The following ADA2 variants were observed in gnomAD, a reference collection of about 807,000 sequenced individuals.
ADA2 encodes adenosine deaminase CECR1.
Under a neutral mutation model 44.2 loss-of-function variants are expected in ADA2, and 29 were observed. That is an observed-to-expected ratio of 0.66 (90% CI 0.49 to 0.89). ADA2 has a LOEUF of 0.89. ADA2 is among the 40% of genes least tolerant of loss of function. The pLI is 0.00. For missense variants in ADA2, 637 were observed against 644.8 expected, an observed-to-expected ratio of 0.99 and a Z score of 0.13; for synonymous variants, 215 against 234.9, an observed-to-expected ratio of 0.92 and a Z score of 0.77.
chr22:17,203,665 G>A lies in ADA2; in HGVS notation c.651C>T (p.Leu217=), dbSNP rs1164835231. 1.9e-6 allele frequency: 3 copies of A among 1,614,036 alleles called. No individual in the cohort carries two copies. Among genetic ancestry groups the A allele is most frequent in the South Asian group, 2.2e-5 (2 of 91,070 alleles). The change falls in exon 4 of 10, where the codon CTC becomes CTT. Residue 217 remains leucine (L), a synonymous_variant. Transcript: ENST00000399837. ...FETIFFTISG[L]IHYAPVFRDY... is the part of the protein sequence containing the mutation. ...CTCTGAACACTGGTGCGTAATGGATGAGACCAGAGATGGTGAAGAAGATGG... is the reference window on the plus strand; with the variant it reads ...CTCTGAACACTGGTGCGTAATGGATAAGACCAGAGATGGTGAAGAAGATGG...
At chr22:17,189,443 T>C (rs553913373) in intron 6 of ADA2, among the ~76,000 whole-genome samples, 1 of 152,276 alleles carries the variant, frequency 6.6e-6, no homozygotes, top group Non-Finnish European at 1.5e-5. Flanking sequence ...CCAGGCATGA[T>C]GGCTGGAGAG....
At position 17,203,765 on chromosome 22, in the gene ADA2, C is replaced by T. The variant is rs778092152; in HGVS notation, c.551G>A (p.Arg184Lys). The T allele has an allele frequency of 1.9e-6, 3 of 1,613,132 alleles. No homozygotes were observed. Among genetic ancestry groups the T allele is most frequent in the Non-Finnish European group, 2.5e-6 (3 of 1,179,284 alleles). The part of the protein sequence containing the change: ...NVTEFDDSLL[R>K]NFTLVTQHPE... ...GTGCTGGGTCACCAGAGTGAAATTC[C>T]TCAGCAAGCTGTCCAAGACACGAAG... The change falls in exon 4 of 10, where the codon AGG (arginine) becomes AAG (lysine). Residue 184 changes from arginine to lysine, a missense_variant. Transcript: ENST00000399837.
intron 3 of ADA2, among the ~76,000 whole-genome samples, chr22:17,205,857 A>G (rs1298891810): frequency 6.6e-6 from 1 of 151,338 alleles, no homozygotes; most frequent in Non-Finnish European, 1.5e-5. Context: ...GCACACCTCT[A>G]GTGTGCTGAC....
intron 1 of ADA2, chr22:17,214,035 G>C: frequency 5.7e-6 from 2 of 347,982 alleles, no homozygotes; most frequent in South Asian, 4.2e-5. Context: ...GCGAAACTCT[G>C]TCTCAAAAAA....
Position 17,219,394 on chromosome 22 carries a change from C to T in ADA2, c.-85G>A, listed in dbSNP as rs8136533. 0.58 allele frequency: 88,539 copies of T among 152,048 alleles called. 28,643 individuals carry two copies. The highest frequency in any genetic ancestry group is 0.88 in the East Asian group (4,553 of 5,162). 9.4% of individuals were successfully genotyped at this position (152,048 alleles called of 1,614,324 possible). On this transcript the variant is annotated 5_prime_UTR_variant, in exon 1 of 10. Coordinates refer to ENST00000399837, the MANE Select transcript of ADA2 (RefSeq NM_001282225.2). Reference sequence around the variant, plus strand: ...CAGAAACTGAGGGCTGTTTGCTCAGCGCCCCAGCATCTGTGCAGAGCACCG... The same window carrying T: ...CAGAAACTGAGGGCTGTTTGCTCAGTGCCCCAGCATCTGTGCAGAGCACCG...
chr22:17,188,557 G>A (rs570457563), intron 6 of ADA2, 110 bp from the exon 7 acceptor site: 22 of 674,950 alleles, frequency 3.3e-5, no homozygotes, highest in South Asian at 8.9e-5. Flanking sequence ...CACCACTGCC[G>A]GGACCTTTGT....
chr22:17,209,604 C>A lies in ADA2; in HGVS notation c.74G>T (p.Gly25Val), dbSNP rs149989830. The A allele has an allele frequency of 6.2e-7, 1 of 1,613,928 alleles. No individual in the cohort carries two copies. The highest frequency in any genetic ancestry group is 8.5e-7 in the Non-Finnish European group (1 of 1,180,040). ...TGTTTCATCTATGGATAGAGCTGAG[C>A]CGAAGAAAGACATTGCCACAGCCAA... ...LLLAVAMSFF[G>V]SALSIDETRA... The change falls in exon 2 of 10, where the codon GGC (glycine) becomes GTC (valine). Residue 25 changes from glycine to valine, a missense_variant. By Grantham distance (109) the Gly-to-Val change is moderately radical. Transcript: ENST00000399837.
intron 7 of ADA2, among the ~76,000 whole-genome samples, chr22:17,184,534 G>T (rs1260886439): frequency 6.6e-6 from 1 of 152,154 alleles, no homozygotes; most frequent in Non-Finnish European, 1.5e-5. Flanking sequence ...AGCACAGATT[G>T]CTTCTTACGT....
intron 4 of ADA2, among the ~76,000 whole-genome samples, chr22:17,200,804 C>T: frequency 6.6e-6 from 1 of 151,190 alleles, no homozygotes; most frequent in South Asian, 2.1e-4. Context: ...TTCCCTTGAA[C>T]CCAGGAGGCG....
At chr22:17,183,111 G>C (rs1026608921) in intron 7 of ADA2, among the ~76,000 whole-genome samples, 1 of 152,110 alleles carries the variant, frequency 6.6e-6, no homozygotes, top group African/African-American at 2.4e-5. Flanking sequence ...TTGAGACACA[G>C]TCTTGCTCTG....
chr22:17,188,751 T>C (rs11704246), intron 6 of ADA2: 2,244 of 177,622 alleles, frequency 0.013, 15 homozygotes, highest in Middle Eastern at 0.021. Context: ...TGGTAGCGGG[T>C]GCCTGTAGTC....
chr22:17,203,549 A>G lies in ADA2; in HGVS notation c.753+14T>C, dbSNP rs1226891036. 2 of 1,604,006 alleles carry G rather than the reference A, an allele frequency of 1.2e-6. No homozygotes were observed. The highest frequency in any genetic ancestry group is 1.3e-5 in the African/African-American group (1 of 74,714). ...AAAGGAGGTGGGAGGAACAGAGAGGAGAGCTGGGCTCACCGGCAGCAGCCT... is the reference window on the plus strand; with the variant it reads ...AAAGGAGGTGGGAGGAACAGAGAGGGGAGCTGGGCTCACCGGCAGCAGCCT... On this transcript the variant is annotated intron_variant, in intron 4 of 9. Coordinates refer to ENST00000399837, the MANE Select transcript of ADA2 (RefSeq NM_001282225.2).
intron 7 of ADA2, among the ~76,000 whole-genome samples, chr22:17,185,441 TAAAATA>T (rs2062025655): frequency 7.2e-5 from 4 of 55,746 alleles, no homozygotes; most frequent in East Asian, 6.5e-4. Flanking sequence ...TAAAATAAAA[TAAAATA>T]AAAAAATAAA....
chr22:17,188,296 A>G (rs763640700), intron 7 of ADA2, 43 bp downstream of exon 7: 1 of 1,464,554 alleles, frequency 6.8e-7, no homozygotes, highest in Non-Finnish European at 9.6e-7. Flanking sequence ...GAGCTCTCCC[A>G]TTGACCACCT....
At chr22:17,195,507 C>T (rs191168674) in intron 4 of ADA2, among the ~76,000 whole-genome samples, 19 of 150,176 alleles carry the variant, frequency 1.3e-4, no homozygotes, top group African/African-American at 4.7e-4. Context: ...CCAGCCTGGG[C>T]GACAGAGCAA....
intron 4 of ADA2, chr22:17,199,646 C>T (rs2062248424): frequency 6.2e-7 from 1 of 1,613,266 alleles, no homozygotes. Flanking sequence ...GTGGGCGTGG[C>T]TATTAGGACG....
At chr22:17,205,206 G>A (rs1333000776) in intron 3 of ADA2, among the ~76,000 whole-genome samples, 1 of 152,066 alleles carries the variant, frequency 6.6e-6, no homozygotes, top group East Asian at 1.9e-4. Context: ...TTTTAGTAGA[G>A]ACAGGGTTTC....
intron 6 of ADA2, 133 bp downstream of exon 6, chr22:17,189,809 T>C: frequency 1.5e-6 from 1 of 658,740 alleles, no homozygotes; most frequent in Non-Finnish European, 2.7e-6. Context: ...GTCAGCAGCC[T>C]GAGCCTGCCC....
intron 3 of ADA2, among the ~76,000 whole-genome samples, chr22:17,203,990 AC>A (rs1412564417): frequency 2.6e-5 from 4 of 151,816 alleles, no homozygotes; most frequent in Non-Finnish European, 4.4e-5. Flanking sequence ...TTAAACCCAA[AC>A]CCCAAACGCA....
Sources: gnomAD v4.1 joint callset for allele counts (sites outside exome capture counted in the v4.1 genomes callset) on GRCh38, gnomAD v4.1.1 for gene constraint, MANE v1.5 for transcripts, NCBI Gene and HGNC (gene_info 2026-07-23, HGNC 2026-07-21) for gene names.